Variants in EXD1 observed in about 807,000 individuals in gnomAD.
The protein encoded by EXD1 is exonuclease 3'-5' domain containing 1, also known as piRNA biogenesis protein EXD1.
In EXD1, 63 loss-of-function variants were observed where a neutral mutation model predicts 49.1. That is an observed-to-expected ratio of 1.28 (90% CI 1.05 to 1.58). EXD1 has a LOEUF of 1.58. EXD1 is among the 40% of genes most tolerant of loss of function. EXD1 has a pLI of 0.00. For synonymous variants in EXD1, 234 were observed against 239.2 expected, an observed-to-expected ratio of 0.98 and a Z score of 0.20; for missense variants, 748 against 666.0, an observed-to-expected ratio of 1.12 and a Z score of -1.36.
intron 7 of EXD1, among the ~76,000 whole-genome samples, chr15:41,201,543 G>C (rs1161771128): frequency 7.1e-6 from 1 of 141,524 alleles, no homozygotes; most frequent in African/African-American, 2.7e-5. Flanking sequence ...AGGCTGGAGT[G>C]CAGTGGTGCG....
At chr15:41,192,192 C>T (rs975179411) in intron 9 of EXD1, 2 of 152,600 alleles carry the variant, frequency 1.3e-5, no homozygotes, top group African/African-American at 4.8e-5. Context: ...GTCCAAAACT[C>T]CTTAGCTCAA....
chr15:41,213,758 T>C (rs1413648547), intron 6 of EXD1, among the ~76,000 whole-genome samples: 5 of 152,200 alleles, frequency 3.3e-5, no homozygotes, highest in Non-Finnish European at 7.4e-5. Context: ...GAGTGATGGA[T>C]AAGGGGTGTG....
intron 7 of EXD1, among the ~76,000 whole-genome samples, chr15:41,205,446 T>A (rs1490959432): frequency 6.6e-6 from 1 of 152,176 alleles, no homozygotes; most frequent in Non-Finnish European, 1.5e-5. Flanking sequence ...CTGTATGGCA[T>A]CCTTAAAGAT....
intron 2 of EXD1, among the ~76,000 whole-genome samples, chr15:41,225,154 T>C (rs914950937): frequency 7.2e-5 from 11 of 152,322 alleles, no homozygotes; most frequent in Non-Finnish European, 1.3e-4. Flanking sequence ...CTTTCAGCCA[T>C]TGCACTGTTC....
rs141539569 is a variant in EXD1, at chr15:41,190,187, G to A, written c.865-59C>T. On this transcript the variant is annotated intron_variant, in intron 10 of 11. Coordinates refer to ENST00000458580, the MANE Select transcript of EXD1 (RefSeq NM_001286441.2). The stretch of plus-strand genomic sequence containing the variant: ...AAGCAAGACTTTAAAGAAAATAACT[G>A]TTTTAGGCTGGGCACAGTGGCTCAT... The A allele has an allele frequency of 6.8e-5, 107 of 1,579,268 alleles. No homozygotes were observed. In the East Asian group the frequency reaches 2.4e-3, roughly 35 times the overall value.
intron 9 of EXD1, among the ~76,000 whole-genome samples, chr15:41,194,874 A>G (rs2046585923): frequency 6.6e-6 from 1 of 152,214 alleles, no homozygotes; most frequent in Admixed American, 6.6e-5. Context: ...TTATAAGTAG[A>G]TACATAAACA....
intron 2 of EXD1, among the ~76,000 whole-genome samples, chr15:41,225,542 G>A (rs1428973974): frequency 3.4e-5 from 5 of 146,464 alleles, no homozygotes; most frequent in South Asian, 2.2e-4. Flanking sequence ...CCAAGATCGC[G>A]CCACTGCACT....
chr15:41,202,496 G>A (rs2046748589), intron 7 of EXD1, among the ~76,000 whole-genome samples: 1 of 151,826 alleles, frequency 6.6e-6, no homozygotes, highest in African/African-American at 2.4e-5. Context: ...ATTTGAGATG[G>A]TCTTGCTCTG....
chr15:41,203,503 C>G (rs1422882907), intron 7 of EXD1, among the ~76,000 whole-genome samples: 1 of 152,116 alleles, frequency 6.6e-6, no homozygotes, highest in Non-Finnish European at 1.5e-5. Context: ...TTTTCTCTGA[C>G]CTTCAGCCCT....
At chr15:41,206,758 A>G (rs1448291348) in intron 7 of EXD1, among the ~76,000 whole-genome samples, 3 of 148,222 alleles carry the variant, frequency 2.0e-5, no homozygotes, top group Non-Finnish European at 4.5e-5. Flanking sequence ...AGTAGCTAGG[A>G]TTATAGGCAT....
intron 6 of EXD1, among the ~76,000 whole-genome samples, chr15:41,214,799 G>A (rs71472476): frequency 4.0e-5 from 6 of 151,748 alleles, no homozygotes; most frequent in Admixed American, 2.0e-4. Flanking sequence ...AGGCTGGAGT[G>A]CAGTGGCACG....
At position 41,215,784 on chromosome 15, in the gene EXD1, A is replaced by T. The variant is rs1356819364; in HGVS notation, c.438T>A (p.Phe146Leu). 1 of 1,613,888 alleles carries T rather than the reference A, an allele frequency of 6.2e-7. No individual in the cohort carries two copies. Among genetic ancestry groups the T allele is most frequent in the Admixed American group, 1.7e-5 (1 of 59,978 alleles). Residue 146 changes from phenylalanine to leucine, a missense_variant, in exon 6 of 12, where the codon TTT becomes TTA. Transcript: ENST00000458580. ...TGAGGACAATACTTACCGCAGCACC[A>T]AACTTCTGCTGGAATTGATTAATGA... ...YTVINQFQQK[F>L]GAAILHIKKQ...
chr15:41,188,350 C>A (rs79601537), intron 11 of EXD1, among the ~76,000 whole-genome samples: 3,595 of 149,098 alleles, frequency 0.024, 150 homozygotes, highest in African/African-American at 0.084. Context: ...CCCCTTGTCC[C>A]CTCCACTCTC....
chr15:41,192,088 CCCTTAG>C (rs2046529557), intron 9 of EXD1: 1 of 154,186 alleles, frequency 6.5e-6, no homozygotes, highest in Non-Finnish European at 1.4e-5. Context: ...CGTTCACCCT[CCCTTAG>C]GCAACCTGGT....
chr15:41,202,226 T>A (rs2046743407), intron 7 of EXD1, among the ~76,000 whole-genome samples: 1 of 151,622 alleles, frequency 6.6e-6, no homozygotes, highest in African/African-American at 2.4e-5. Flanking sequence ...CCAGGCTGGA[T>A]TGCAGTGGCG....
At chr15:41,204,107 G>T (rs2046780482) in intron 7 of EXD1, among the ~76,000 whole-genome samples, 1 of 150,482 alleles carries the variant, frequency 6.6e-6, no homozygotes, top group Admixed American at 6.7e-5. Flanking sequence ...AATTAGCCAG[G>T]CATGGTGGCA....
intron 11 of EXD1, among the ~76,000 whole-genome samples, chr15:41,185,997 C>T (rs1595418566): frequency 6.6e-6 from 1 of 151,894 alleles, no homozygotes; most frequent in East Asian, 1.9e-4. Flanking sequence ...TTTCAATTTC[C>T]ATAGCTCATA....
intron 2 of EXD1, among the ~76,000 whole-genome samples, chr15:41,224,641 G>C (rs570889820): frequency 6.6e-6 from 1 of 152,222 alleles, no homozygotes; most frequent in East Asian, 1.9e-4. Context: ...TATTTCATTG[G>C]ATGCAGCTGC....
intron 2 of EXD1, among the ~76,000 whole-genome samples, chr15:41,225,884 C>CA: frequency 7.0e-6 from 1 of 142,648 alleles, no homozygotes; most frequent in South Asian, 2.2e-4. Flanking sequence ...GACAACATCT[C>CA]AAAAAACAAA....
Sources: allele counts gnomAD v4.1 joint callset (sites outside exome capture counted in the v4.1 genomes callset), GRCh38; gene constraint gnomAD v4.1.1; transcripts MANE v1.5; gene names NCBI Gene and HGNC (gene_info 2026-07-23, HGNC 2026-07-21).